The following ULK4 variants were observed in gnomAD, a reference collection of about 807,000 sequenced individuals.
ULK4 encodes the protein unc-51 like kinase 4, also known as inactive serine/threonine-protein kinase ULK4.
Under a neutral mutation model 160.6 loss-of-function variants are expected in ULK4, and 133 were observed. The observed-to-expected ratio is 0.83, with a 90% CI of 0.72 to 0.96. The LOEUF is 0.96. Ranked by LOEUF, ULK4 falls within the 40% of genes least tolerant of loss-of-function variation. The pLI is 0.00. For synonymous variants in ULK4, 534 were observed against 539.8 expected (o/e 0.99, Z 0.15); for missense variants, 1,580 against 1,499.5 (o/e 1.05, Z -0.89).
intron 32 of ULK4, among the ~76,000 whole-genome samples, chr3:41,475,267 A>C (rs1340795934): frequency 1.3e-5 from 2 of 152,232 alleles, no homozygotes; most frequent in East Asian, 3.8e-4. Flanking sequence ...ATGTTCTCAT[A>C]TACATAACAT....
At chr3:41,470,020 A>G (rs1439018603) in intron 32 of ULK4, among the ~76,000 whole-genome samples, 1 of 35,810 alleles carries the variant, frequency 2.8e-5, no homozygotes, top group African/African-American at 2.0e-4. Context: ...ACAGAACAGA[A>G]AAAAAAAAAA....
At chr3:41,765,427 G>A (rs1467583677) in intron 21 of ULK4, among the ~76,000 whole-genome samples, 1 of 152,072 alleles carries the variant, frequency 6.6e-6, no homozygotes, top group East Asian at 1.9e-4. Context: ...GGAGTGGGGA[G>A]GGATAGCATT....
chr3:41,338,931 G>A (rs2080624067), intron 35 of ULK4, among the ~76,000 whole-genome samples: 1 of 151,800 alleles, frequency 6.6e-6, no homozygotes, highest in African/African-American at 2.4e-5. Context: ...CCACCTTTTT[G>A]TTCTATTCAG....
intron 17 of ULK4, among the ~76,000 whole-genome samples, chr3:41,873,411 A>C (rs963589468): frequency 1.3e-5 from 2 of 152,022 alleles, no homozygotes; most frequent in African/African-American, 2.4e-5. Context: ...GACAGTCTTA[A>C]AGTATTACTA....
intron 30 of ULK4, among the ~76,000 whole-genome samples, chr3:41,662,883 T>A (rs1224818569): frequency 6.6e-6 from 1 of 151,194 alleles, no homozygotes. Flanking sequence ...GTACCTTCAA[T>A]AAAGATAAAA....
intron 29 of ULK4, among the ~76,000 whole-genome samples, chr3:41,665,558 A>C (rs1236848743): frequency 2.6e-5 from 4 of 152,318 alleles, no homozygotes; most frequent in African/African-American, 9.6e-5. Context: ...AATTTGCTTA[A>C]ATTTTAAAAT....
intron 35 of ULK4, among the ~76,000 whole-genome samples, chr3:41,280,129 C>T (rs2079321964): frequency 6.6e-6 from 1 of 152,154 alleles, no homozygotes; most frequent in South Asian, 2.1e-4. Context: ...TATATATGCA[C>T]CCAATACAGG....
At chr3:41,956,364 G>T (rs1284598706) in intron 1 of ULK4, among the ~76,000 whole-genome samples, 1 of 152,172 alleles carries the variant, frequency 6.6e-6, no homozygotes, top group Non-Finnish European at 1.5e-5. Flanking sequence ...CTGCCCTCCA[G>T]TGCTGCTCAG....
intron 35 of ULK4, among the ~76,000 whole-genome samples, chr3:41,354,853 C>T (rs1000345251): frequency 6.6e-6 from 1 of 152,244 alleles, no homozygotes; most frequent in African/African-American, 2.4e-5. Context: ...CCAGGTTGAA[C>T]ACTTGACCTC....
At chr3:41,352,496 G>A (rs1331669474) in intron 35 of ULK4, among the ~76,000 whole-genome samples, 2 of 152,012 alleles carry the variant, frequency 1.3e-5, no homozygotes, top group African/African-American at 4.8e-5. Flanking sequence ...CACTGCTGGG[G>A]GCCCCCTGTC....
At chr3:41,449,493 A>G (rs2083378049) in intron 34 of ULK4, among the ~76,000 whole-genome samples, 1 of 152,160 alleles carries the variant, frequency 6.6e-6, no homozygotes, top group Non-Finnish European at 1.5e-5. Flanking sequence ...GGAGCTGCTT[A>G]GTATAGAACT....
chr3:41,590,418 G>A (rs1196219134), intron 31 of ULK4, among the ~76,000 whole-genome samples: 1 of 131,744 alleles, frequency 7.6e-6, no homozygotes, highest in African/African-American at 2.9e-5. Context: ...GAGTTCAAGA[G>A]TAGCCTGACC....
intron 31 of ULK4, among the ~76,000 whole-genome samples, chr3:41,606,067 C>A (rs1234961740): frequency 6.6e-6 from 1 of 151,938 alleles, no homozygotes; most frequent in Non-Finnish European, 1.5e-5. Context: ...AGAGACAACA[C>A]ATCAAAATTT....
At chr3:41,493,738 A>T (rs2125909897) in intron 32 of ULK4, among the ~76,000 whole-genome samples, 1 of 151,256 alleles carries the variant, frequency 6.6e-6, no homozygotes, top group South Asian at 2.1e-4. Flanking sequence ...AAAAAATGAT[A>T]AAGGGGATAT....
At chr3:41,824,540 TC>T (rs2041273079) in intron 18 of ULK4, among the ~76,000 whole-genome samples, 1 of 152,052 alleles carries the variant, frequency 6.6e-6, no homozygotes, top group African/African-American at 2.4e-5. Flanking sequence ...GCTCGGAGGG[TC>T]CTACGCCCAT....
intron 32 of ULK4, among the ~76,000 whole-genome samples, chr3:41,493,369 T>C: frequency 7.0e-6 from 1 of 143,714 alleles, no homozygotes; most frequent in Non-Finnish European, 1.5e-5. Flanking sequence ...AAAGATGTTC[T>C]TTGAAACCAA....
At position 41,663,691 on chromosome 3, in the gene ULK4, T is replaced by C; in HGVS notation, c.2987A>G (p.His996Arg). The stretch of plus-strand genomic sequence containing the variant: ...TACTGGGTCAGGTTCTAAAAGAATG[T>C]GCTCATACCTGAAATGGTAAAGACA... ...IRDVLLPQYE[H>R]ILLEPDPVPA... Residue 996 changes from histidine to arginine, a missense_variant, in exon 30 of 37, where the codon CAC becomes CGC. His to Arg is a conservative substitution (Grantham distance 29, BLOSUM62 0). Coordinates refer to ENST00000301831, the MANE Select transcript of ULK4 (RefSeq NM_017886.4). The C allele has an allele frequency of 6.2e-7, 1 of 1,613,692 alleles. No individual in the cohort carries two copies. The highest frequency in any genetic ancestry group is 8.5e-7 in the Non-Finnish European group (1 of 1,179,668).
At chr3:41,306,490 C>T (rs1300013821) in intron 35 of ULK4, among the ~76,000 whole-genome samples, 25 of 142,000 alleles carry the variant, frequency 1.8e-4, no homozygotes, top group Middle Eastern at 4.3e-3. Context: ...GTCAGCCCCC[C>T]GCCCGGCCAG....
At chr3:41,910,189 C>T (rs925957161) in intron 11 of ULK4, among the ~76,000 whole-genome samples, 2 of 152,192 alleles carry the variant, frequency 1.3e-5, no homozygotes, top group South Asian at 2.1e-4. Flanking sequence ...AGCTACTGAG[C>T]CCGGTCCATA....
Sources: gnomAD v4.1 joint callset for allele counts (sites outside exome capture counted in the v4.1 genomes callset) on GRCh38, gnomAD v4.1.1 for gene constraint, MANE v1.5 for transcripts, NCBI Gene and HGNC (gene_info 2026-07-23, HGNC 2026-07-21) for gene names.